CNPY1: variants seen among roughly 807,000 people sequenced by gnomAD.
The protein encoded by CNPY1 is protein canopy homolog 1.
A neutral mutation model predicts 14.4 loss-of-function variants in CNPY1; 14 were observed. That is an observed-to-expected ratio of 0.97 (90% CI 0.64 to 1.52). The LOEUF (loss-of-function observed/expected upper bound fraction) is 1.52. Among genes scored for constraint, CNPY1 ranks in the 40% most tolerant of loss-of-function variants. The probability of loss-of-function intolerance (pLI) is 0.00; values close to 1 mark genes in which losing one functional copy is unlikely to be tolerated. For missense variants in CNPY1, 129 were observed against 131.5 expected (o/e 0.98, Z 0.09); for synonymous variants, 43 against 46.5 (o/e 0.92, Z 0.31).
At chr7:155,505,677 G>GA (rs1796281776) in intron 4 of CNPY1, among the ~76,000 whole-genome samples, 1 of 151,984 alleles carries the variant, frequency 6.6e-6, no homozygotes, top group African/African-American at 2.4e-5. Context: ...CCTTTATGAG[G>GA]AAAAAATAGG....
chr7:155,534,318 CAT>C (rs1003854211), intron 2 of CNPY1, among the ~76,000 whole-genome samples: 2 of 150,976 alleles, frequency 1.3e-5, no homozygotes, highest in Non-Finnish European at 3.0e-5. Flanking sequence ...CACACACACA[CAT>C]GCACACACAC....
At chr7:155,515,037 C>T (rs953729818) in intron 2 of CNPY1, among the ~76,000 whole-genome samples, 5 of 152,332 alleles carry the variant, frequency 3.3e-5, no homozygotes, top group African/African-American at 9.6e-5. Context: ...ACTGCACACA[C>T]GCACACACCA....
chr7:155,542,091 C>T (rs1797090974), intron 2 of CNPY1, among the ~76,000 whole-genome samples: 1 of 152,138 alleles, frequency 6.6e-6, no homozygotes, highest in African/African-American at 2.4e-5. Flanking sequence ...CGGTGCAGAA[C>T]ACGTGCAGTG....
intron 2 of CNPY1, among the ~76,000 whole-genome samples, chr7:155,522,445 C>T (rs1796744069): frequency 6.6e-6 from 1 of 152,276 alleles, no homozygotes; most frequent in Non-Finnish European, 1.5e-5. Flanking sequence ...CAGGGTGTCC[C>T]TGCTGGGGGC....
At chr7:155,509,556 G>C (rs1258255127) in intron 2 of CNPY1, among the ~76,000 whole-genome samples, 3 of 152,210 alleles carry the variant, frequency 2.0e-5, no homozygotes, top group Non-Finnish European at 2.9e-5. Flanking sequence ...GCGAGAGAGA[G>C]AGCGCGCGCT....
chr7:155,543,620 C>T (rs1797126447), intron 2 of CNPY1, among the ~76,000 whole-genome samples: 1 of 152,244 alleles, frequency 6.6e-6, no homozygotes, highest in Non-Finnish European at 1.5e-5. Context: ...GGTCACTCTG[C>T]TGTGAGTTAG....
chr7:155,524,301 G>T (rs1402533508), intron 2 of CNPY1, among the ~76,000 whole-genome samples: 2 of 152,220 alleles, frequency 1.3e-5, no homozygotes, highest in Non-Finnish European at 2.9e-5. Context: ...AGATACGAAT[G>T]ACAAAAGAAG....
intron 2 of CNPY1, among the ~76,000 whole-genome samples, chr7:155,530,379 C>T (rs553582807): frequency 4.5e-5 from 6 of 133,810 alleles, no homozygotes; most frequent in South Asian, 2.6e-4. Flanking sequence ...AGCTCACTAT[C>T]GCCTTAAACT....
In CNPY1 at chr7:155,502,950, C is replaced by T. The variant is rs1025919014; in HGVS notation, c.*118G>A. 2.1e-5 allele frequency: 17 copies of T among 807,544 alleles called. No individual in the cohort carries two copies. The highest frequency in any genetic ancestry group is 5.2e-5 in the East Asian group (2 of 38,176). 50.0% of individuals were successfully genotyped at this position (807,544 alleles called of 1,614,324 possible). ...AATGAATCATAAACGGAGACAAACA[C>T]GGTATAAACAAGAGACAAAATTTTT... is the stretch of plus-strand genomic sequence containing the variant. On this transcript the variant is annotated 3_prime_UTR_variant, in exon 5 of 5. Coordinates refer to ENST00000636446, the MANE Select transcript of CNPY1 (RefSeq NM_001393663.1).
chr7:155,524,225 G>A (rs967993587), intron 2 of CNPY1, among the ~76,000 whole-genome samples: 7 of 152,236 alleles, frequency 4.6e-5, no homozygotes, highest in Non-Finnish European at 7.3e-5. Flanking sequence ...GAGGCTAGAG[G>A]TGGGGTGGTA....
At chr7:155,529,627 T>A (rs1378515702) in intron 2 of CNPY1, among the ~76,000 whole-genome samples, 2 of 152,144 alleles carry the variant, frequency 1.3e-5, no homozygotes, top group Non-Finnish European at 1.5e-5. Context: ...AGTGTGTGTC[T>A]TTGTGTCTCC....
intron 3 of CNPY1, 62 bp downstream of exon 3, chr7:155,508,832 A>G: frequency 6.4e-7 from 1 of 1,569,254 alleles, no homozygotes. Context: ...GAAAACAACA[A>G]AAAAGAGTTC....
chr7:155,539,622 A>AG (rs1585336720), intron 2 of CNPY1, among the ~76,000 whole-genome samples: 1 of 152,192 alleles, frequency 6.6e-6, no homozygotes, highest in East Asian at 1.9e-4. Flanking sequence ...GTGTGGGAGC[A>AG]GAGGGAAAGC....
At position 155,501,145 on chromosome 7, in the gene CNPY1, CTA is replaced by C. The variant is rs1327593673; in HGVS notation, c.*1921_*1922del. 2 of 152,136 alleles carry C rather than the reference CTA, an allele frequency of 1.3e-5. No individual in the cohort carries two copies. The highest frequency in any genetic ancestry group is 4.8e-5 in the African/African-American group (2 of 41,426). 9.4% of individuals were successfully genotyped at this position (152,136 alleles called of 1,614,324 possible). A position where few individuals can be genotyped will look rare whatever the true frequency, so the allele number is the denominator to read the frequency against. ...TATTAAAAATTTGCAAGATACAAGA[CTA>C]TTTTTAATGGGAAATCCAAGAAAAA... On this transcript the variant is annotated 3_prime_UTR_variant, in exon 5 of 5. Coordinates refer to ENST00000636446, the MANE Select transcript of CNPY1 (RefSeq NM_001393663.1).
intron 2 of CNPY1, among the ~76,000 whole-genome samples, chr7:155,525,025 G>A (rs1028990031): frequency 2.0e-5 from 3 of 152,092 alleles, no homozygotes; most frequent in South Asian, 2.1e-4. Flanking sequence ...TCAGCACCTG[G>A]TGAACTACCC....
At chr7:155,506,911 C>T (rs550693408) in intron 4 of CNPY1, 109 bp downstream of exon 4, 3 of 717,702 alleles carry the variant, frequency 4.2e-6, no homozygotes, top group East Asian at 5.3e-5. Context: ...GTGTCAGAGC[C>T]GTGGATCGCA....
At chr7:155,527,364 G>A (rs189394018) in intron 2 of CNPY1, among the ~76,000 whole-genome samples, 15 of 151,606 alleles carry the variant, frequency 9.9e-5, no homozygotes, top group Non-Finnish European at 1.6e-4. Context: ...GAGCGGGGTC[G>A]GGAGGTAGAC....
At chr7:155,518,841 G>A (rs1796668120) in intron 2 of CNPY1, among the ~76,000 whole-genome samples, 1 of 152,202 alleles carries the variant, frequency 6.6e-6, no homozygotes, top group Non-Finnish European at 1.5e-5. Flanking sequence ...AGCCTGTGTG[G>A]TGGAAGGCTA....
intron 3 of CNPY1, 67 bp downstream of exon 3, chr7:155,508,827 C>A: frequency 1.3e-6 from 2 of 1,536,668 alleles, no homozygotes; most frequent in Non-Finnish European, 8.9e-7. Context: ...GAGTAGAAAA[C>A]AACAAAAAAG....
Sources: gnomAD v4.1 joint callset for allele counts (sites outside exome capture counted in the v4.1 genomes callset) on GRCh38, gnomAD v4.1.1 for gene constraint, MANE v1.5 for transcripts, NCBI Gene and HGNC (gene_info 2026-07-23, HGNC 2026-07-21) for gene names.